The following EPS15L1 variants were observed in gnomAD, a reference collection of about 807,000 sequenced individuals.
The protein encoded by EPS15L1 is epidermal growth factor receptor substrate 15-like 1.
In EPS15L1, 43 loss-of-function variants were observed where a neutral mutation model predicts 117.1. The ratio of observed to expected loss-of-function variants is 0.37; its 90% CI spans 0.29 to 0.47. EPS15L1 has a LOEUF of 0.47. Ranked by LOEUF, EPS15L1 falls within the 20% of genes least tolerant of loss-of-function variation. The probability of loss-of-function intolerance (pLI) is 0.99; values close to 1 mark genes in which losing one functional copy is unlikely to be tolerated. For missense variants in EPS15L1, 981 were observed against 1,164.0 expected, an observed-to-expected ratio of 0.84 and a Z score of 2.29; for synonymous variants, 459 against 470.5, an observed-to-expected ratio of 0.98 and a Z score of 0.32.
At chr19:16,439,063 GTTT>G (rs1001246226) in intron 4 of EPS15L1, among the ~76,000 whole-genome samples, 2 of 146,302 alleles carry the variant, frequency 1.4e-5, no homozygotes, top group African/African-American at 5.0e-5. Flanking sequence ...CACTTAGCTT[GTTT>G]TTTTTCTGTT....
rs1334116205 is a variant in EPS15L1, at chr19:16,377,266, G to C, written c.2248-12C>G. The stretch of plus-strand genomic sequence containing the variant: ...CCAGAAGGTGGGGGCTGTAAGAGAG[G>C]ACATGAAAGAGAGGCAAAAATAGTT... On this transcript the variant is annotated splice_polypyrimidine_tract_variant and intron_variant, in intron 21 of 23. Transcript: ENST00000455140. The C allele has an allele frequency of 6.2e-7, 1 of 1,608,504 alleles. No homozygotes were observed. The highest frequency in any genetic ancestry group is 1.3e-5 in the African/African-American group (1 of 74,458).
At chr19:16,387,076 G>T (rs895000257) in intron 19 of EPS15L1, among the ~76,000 whole-genome samples, 2 of 152,134 alleles carry the variant, frequency 1.3e-5, no homozygotes, top group Non-Finnish European at 2.9e-5. Flanking sequence ...AACGTAAAAC[G>T]GTGATTATAA....
chr19:16,385,104 C>T lies in EPS15L1; in HGVS notation c.2247+25G>A, dbSNP rs200858025. On this transcript the variant is annotated intron_variant, in intron 21 of 23. Transcript: ENST00000455140. Reference sequence around the variant, plus strand: ...AGGCACAAAGACACTAGCAGAGGCGCGGGGGCTCCGTGGAGGGGCTTTACC... The same window carrying T: ...AGGCACAAAGACACTAGCAGAGGCGTGGGGGCTCCGTGGAGGGGCTTTACC... 2,074 of 1,599,896 alleles carry T rather than the reference C, an allele frequency of 1.3e-3. 3 individuals are homozygous for T. Among genetic ancestry groups the T allele is most frequent in the Non-Finnish European group, 1.5e-3 (1,789 of 1,167,216 alleles).
intron 23 of EPS15L1, among the ~76,000 whole-genome samples, chr19:16,356,170 G>A (rs1322604073): frequency 6.6e-6 from 1 of 152,244 alleles, no homozygotes; most frequent in Admixed American, 6.5e-5. Flanking sequence ...GTGGCCAAGA[G>A]GTGCAAAGAT....
intron 17 of EPS15L1, 82 bp from the exon 18 acceptor site, chr19:16,394,083 C>T (rs912511329): frequency 8.0e-7 from 1 of 1,246,070 alleles, no homozygotes; most frequent in African/African-American, 1.5e-5. Context: ...CACCCACCTC[C>T]CAAGCCTTTC....
chr19:16,377,318 C>T, intron 21 of EPS15L1, 64 bp from the exon 22 acceptor site: 2 of 1,588,154 alleles, frequency 1.3e-6, no homozygotes, highest in Non-Finnish European at 1.7e-6. Context: ...CGGATGTCCA[C>T]TGAACAGACG....
At chr19:16,445,199 C>G (rs2093071638) in intron 1 of EPS15L1, among the ~76,000 whole-genome samples, 1 of 152,206 alleles carries the variant, frequency 6.6e-6, no homozygotes, top group Non-Finnish European at 1.5e-5. Context: ...AAGGCCTGGA[C>G]TAATCCAGAA....
intron 13 of EPS15L1, among the ~76,000 whole-genome samples, chr19:16,407,323 T>C (rs1326848107): frequency 2.0e-5 from 3 of 152,168 alleles, no homozygotes; most frequent in Non-Finnish European, 4.4e-5. Context: ...TTTTTTCTTT[T>C]GAGACAGAAT....
Position 16,404,288 on chromosome 19 carries a change from A to G in EPS15L1, c.1428+300T>C, listed in dbSNP as rs2092632344. 6.6e-6 allele frequency among the ~76,000 whole-genome samples: 1 copy of G among 152,100 alleles called. No individual in the cohort carries two copies. The highest frequency in any genetic ancestry group is 2.4e-5 in the African/African-American group (1 of 41,414). Reference sequence around the variant, plus strand: ...AGCCTCAGAGACACCTGAGGAGGGGACACAGGCACCCTGGAACTCCCTGTG... The same window carrying G: ...AGCCTCAGAGACACCTGAGGAGGGGGCACAGGCACCCTGGAACTCCCTGTG... On this transcript the variant is annotated intron_variant, in intron 14 of 23. Coordinates refer to ENST00000455140, the MANE Select transcript of EPS15L1 (RefSeq NM_001258374.3). The surrounding 1 kb of genome is among the most constrained non-coding windows in gnomAD (Gnocchi z 4.2).
chr19:16,392,210 C>T (rs967870866), intron 19 of EPS15L1, 94 bp downstream of exon 19: 35 of 1,417,440 alleles, frequency 2.5e-5, no homozygotes, highest in African/African-American at 7.0e-5. Context: ...GCACCATGTA[C>T]GCTCCACGAA....
At chr19:16,390,633 C>A (rs1014792227) in intron 19 of EPS15L1, among the ~76,000 whole-genome samples, 3 of 152,074 alleles carry the variant, frequency 2.0e-5, no homozygotes, top group East Asian at 1.9e-4. Flanking sequence ...TGAAAACATA[C>A]AGAATATGTT....
intron 13 of EPS15L1, among the ~76,000 whole-genome samples, chr19:16,406,235 C>A (rs537845484): frequency 6.6e-6 from 1 of 152,178 alleles, no homozygotes; most frequent in Admixed American, 6.5e-5. Flanking sequence ...CCTCAGGAAG[C>A]TGGGGTCTCC....
At chr19:16,434,250 G>A (rs1346735369) in intron 7 of EPS15L1, 115 bp downstream of exon 7, 2 of 1,366,948 alleles carry the variant, frequency 1.5e-6, no homozygotes, top group African/African-American at 1.5e-5. Flanking sequence ...GCCCCTGATG[G>A]CACAGGGAGA....
At chr19:16,427,822 A>G (rs1256293243) in intron 8 of EPS15L1, among the ~76,000 whole-genome samples, 2 of 152,118 alleles carry the variant, frequency 1.3e-5, no homozygotes, top group Admixed American at 1.3e-4. Flanking sequence ...TGAACCCAGG[A>G]GGTGGAGGCT....
At position 16,355,642 on chromosome 19, in the gene EPS15L1, C is replaced by A; in HGVS notation, c.*63G>T. The A allele has an allele frequency of 6.6e-7, 1 of 1,505,760 alleles. No individual in the cohort carries two copies. The allele number at this position is 1,505,760 out of a possible 1,614,324, so 93.3% of individuals were successfully genotyped here. ...GACGGTGTGTGTGTGTATATATAGACATCTGCACTGCCCCCTCTCTGGAAC... is the reference window on the plus strand; with the variant it reads ...GACGGTGTGTGTGTGTATATATAGAAATCTGCACTGCCCCCTCTCTGGAAC... On this transcript the variant is annotated 3_prime_UTR_variant, in exon 24 of 24. Coordinates refer to ENST00000455140, the MANE Select transcript of EPS15L1 (RefSeq NM_001258374.3).
intron 18 of EPS15L1, among the ~76,000 whole-genome samples, chr19:16,393,541 T>C (rs59326120): frequency 0.24 from 35,323 of 149,332 alleles, 5,066 homozygotes; most frequent in African/African-American, 0.4. Context: ...CCCAGCTACT[T>C]GGGAGGCTGA....
At chr19:16,399,743 C>T (rs886326904) in intron 16 of EPS15L1, among the ~76,000 whole-genome samples, 5 of 150,900 alleles carry the variant, frequency 3.3e-5, no homozygotes, top group Admixed American at 6.6e-5. Flanking sequence ...TGCAGTGGCA[C>T]GCAGCTGGCC....
intron 1 of EPS15L1, among the ~76,000 whole-genome samples, chr19:16,462,944 C>T (rs1403928481): frequency 6.6e-6 from 1 of 152,186 alleles, no homozygotes; most frequent in Admixed American, 6.5e-5. Flanking sequence ...TTCATCCCAC[C>T]GCTGTGGGTG....
chr19:16,452,625 T>A (rs2093157093), intron 1 of EPS15L1, among the ~76,000 whole-genome samples: 1 of 120,918 alleles, frequency 8.3e-6, no homozygotes, highest in African/African-American at 3.5e-5. Flanking sequence ...CATAGCAAAA[T>A]GTCATCTGAA....
Sources: allele counts gnomAD v4.1 joint callset (sites outside exome capture counted in the v4.1 genomes callset), GRCh38; gene constraint gnomAD v4.1.1; non-coding constraint Gnocchi (gnomAD v3.1); transcripts MANE v1.5; gene names NCBI Gene and HGNC (gene_info 2026-07-23, HGNC 2026-07-21).